BBX: variants seen among roughly 807,000 people sequenced by gnomAD.
BBX encodes BBX high mobility group box domain containing.
In BBX, 30 loss-of-function variants were observed where a neutral mutation model predicts 100.2. The ratio of observed to expected loss-of-function variants is 0.30; its 90% CI spans 0.22 to 0.41. The LOEUF (loss-of-function observed/expected upper bound fraction) is 0.41, where lower values mean the gene tolerates loss of function less well. Ranked by LOEUF, BBX falls within the 10% of genes least tolerant of loss-of-function variation. The pLI, the probability that BBX is intolerant of heterozygous loss-of-function variation, is 1.00. For missense variants in BBX, 1,023 were observed against 1,129.8 expected (o/e 0.91, Z 1.35); for synonymous variants, 376 against 388.1 (o/e 0.97, Z 0.37).
chr3:107,762,045 G>A (rs1203461461), intron 10 of BBX, among the ~76,000 whole-genome samples: 1 of 152,146 alleles, frequency 6.6e-6, no homozygotes, highest in Non-Finnish European at 1.5e-5. Flanking sequence ...CCCGTGTGGT[G>A]GGTTTCTTTC....
In BBX at chr3:107,809,990, G is replaced by A. The variant is rs2071224852; in HGVS notation, c.*4533G>A. Reference sequence around the variant, plus strand: ...AGATGTGTCTGGCGAAGTATTCAGGGTTTGATGGACTGCTTTACTTTCGTT... The same window carrying A: ...AGATGTGTCTGGCGAAGTATTCAGGATTTGATGGACTGCTTTACTTTCGTT... On this transcript the variant is annotated 3_prime_UTR_variant, in exon 18 of 18. Transcript: ENST00000325805. The A allele has an allele frequency of 6.6e-6, 1 of 152,082 alleles. No individual in the cohort carries two copies. The highest frequency in any genetic ancestry group is 2.1e-4 in the South Asian group (1 of 4,820). The allele number at this position is 152,082 out of a possible 1,614,324, so 9.4% of individuals were successfully genotyped here.
intron 2 of BBX, among the ~76,000 whole-genome samples, chr3:107,580,618 C>CTCATTTTTTTAAAA (rs60756964): frequency 0.012 from 1,771 of 152,148 alleles, 39 homozygotes; most frequent in African/African-American, 0.041. Context: ...GATTTTAAAA[C>CTCATTTTTTTAAAA]TGTTAAGCAC....
At chr3:107,628,435 A>G (rs1169371959) in intron 2 of BBX, among the ~76,000 whole-genome samples, 1 of 152,084 alleles carries the variant, frequency 6.6e-6, no homozygotes, top group Admixed American at 6.5e-5. Flanking sequence ...CTCTCAACTC[A>G]GATGTCAAAA....
chr3:107,799,104 C>G (rs1047711469), intron 16 of BBX, among the ~76,000 whole-genome samples: 11 of 151,180 alleles, frequency 7.3e-5, no homozygotes, highest in African/African-American at 2.7e-4. Context: ...GAGCCGAGAT[C>G]GCGCCACTGC....
At chr3:107,536,649 G>A (rs888000391) in intron 2 of BBX, among the ~76,000 whole-genome samples, 4 of 151,968 alleles carry the variant, frequency 2.6e-5, no homozygotes, top group Non-Finnish European at 4.4e-5. Context: ...GGTAATATTC[G>A]AAGAACTTTT....
intron 9 of BBX, among the ~76,000 whole-genome samples, chr3:107,749,864 C>T (rs907061180): frequency 1.3e-5 from 2 of 152,076 alleles, no homozygotes; most frequent in African/African-American, 2.4e-5. Flanking sequence ...GAACTCCTGA[C>T]CTCAGGTGAT....
At chr3:107,654,327 G>A (rs894583173) in intron 3 of BBX, among the ~76,000 whole-genome samples, 3 of 152,088 alleles carry the variant, frequency 2.0e-5, no homozygotes, top group African/African-American at 7.2e-5. Context: ...ACTTTTTAGA[G>A]AACAAAAGAT....
chr3:107,538,224 A>G (rs539056211), intron 2 of BBX, among the ~76,000 whole-genome samples: 1 of 152,352 alleles, frequency 6.6e-6, no homozygotes, highest in Non-Finnish European at 1.5e-5. Flanking sequence ...AATTTTCTAC[A>G]GATAATCTCT....
At chr3:107,572,837 CTT>C (rs1406742039) in intron 2 of BBX, among the ~76,000 whole-genome samples, 1 of 152,140 alleles carries the variant, frequency 6.6e-6, no homozygotes, top group Non-Finnish European at 1.5e-5. Context: ...GAGCCACCCT[CTT>C]TGTTAATTTT....
chr3:107,704,339 G>A (rs781766293), intron 3 of BBX, among the ~76,000 whole-genome samples: 22 of 152,302 alleles, frequency 1.4e-4, no homozygotes, highest in South Asian at 8.3e-4. Flanking sequence ...TGTGCAGTAG[G>A]CTCCGTGCTA....
intron 13 of BBX, among the ~76,000 whole-genome samples, chr3:107,784,492 G>T (rs1427076445): frequency 1.3e-5 from 2 of 151,742 alleles, no homozygotes; most frequent in Non-Finnish European, 2.9e-5. Context: ...TTAAAAATCA[G>T]TAGTAGAAAA....
chr3:107,523,197 C>T (rs1002198133), intron 1 of BBX, 90 bp downstream of exon 1: 13 of 209,490 alleles, frequency 6.2e-5, no homozygotes, highest in African/African-American at 2.4e-4. Flanking sequence ...GCTGCAGCCC[C>T]AAGGACTCCG....
At chr3:107,681,739 T>G in intron 3 of BBX, among the ~76,000 whole-genome samples, 1 of 152,120 alleles carries the variant, frequency 6.6e-6, no homozygotes, top group South Asian at 2.1e-4. Context: ...AAAGTAGAAT[T>G]TCCTGTAGAA....
At chr3:107,795,274 T>C (rs1264570427) in intron 15 of BBX, among the ~76,000 whole-genome samples, 1 of 152,182 alleles carries the variant, frequency 6.6e-6, no homozygotes, top group Non-Finnish European at 1.5e-5. Context: ...ATCTACTGTT[T>C]TGTTCCAGAA....
At chr3:107,616,005 CTTTTTTTTTTTTTTTTTTTTTTTTTTT>C (rs59614452) in intron 2 of BBX, among the ~76,000 whole-genome samples, 1 of 19,218 alleles carries the variant, frequency 5.2e-5, no homozygotes, top group Admixed American at 6.7e-4. Context: ...TACTCACCTG[CTTTTTTTTTTTTTTTTTTTTTTTTTTT>C]TTTTTTTTTT....
chr3:107,754,794 A>G (rs9853561), intron 9 of BBX, among the ~76,000 whole-genome samples: 17,465 of 152,284 alleles, frequency 0.11, 1,364 homozygotes, highest in Non-Finnish European at 0.17. Flanking sequence ...CAATGACAGA[A>G]CTTCAGGTGA....
At chr3:107,801,687 G>A (rs2070495245) in intron 17 of BBX, among the ~76,000 whole-genome samples, 1 of 152,076 alleles carries the variant, frequency 6.6e-6, no homozygotes, top group South Asian at 2.1e-4. Flanking sequence ...AACAGGGGCA[G>A]GTGGCACTCA....
Position 107,718,151 on chromosome 3 carries a change from TA to T in BBX, c.405+1307del, listed in dbSNP as rs2062238734. 2.0e-5 allele frequency among the ~76,000 whole-genome samples: 3 copies of T among 149,278 alleles called. No homozygotes were observed. In the Admixed American group the frequency reaches 2.0e-4, roughly 10 times the overall value. Reference sequence around the variant, plus strand: ...TCTAAATTATTAGCATAGTTGCTACTAAAAATTATTAATAATTATATTACCA... The same window carrying T: ...TCTAAATTATTAGCATAGTTGCTACTAAAATTATTAATAATTATATTACCA... On this transcript the variant is annotated intron_variant, in intron 5 of 17. Transcript: ENST00000325805.
At chr3:107,710,773 C>A in intron 4 of BBX, 151 bp downstream of exon 4, 1 of 723,278 alleles carries the variant, frequency 1.4e-6, no homozygotes, top group Non-Finnish European at 2.2e-6. Flanking sequence ...ATTTTTATTC[C>A]AATTCTTGAT....
Sources: gnomAD v4.1 joint callset for allele counts (sites outside exome capture counted in the v4.1 genomes callset) on GRCh38, gnomAD v4.1.1 for gene constraint, MANE v1.5 for transcripts, NCBI Gene and HGNC (gene_info 2026-07-23, HGNC 2026-07-21) for gene names.